Variants in PPIP5K2 observed in about 807,000 individuals in gnomAD.
PPIP5K2 encodes inositol hexakisphosphate and diphosphoinositol-pentakisphosphate kinase 2.
Under a neutral mutation model 154.6 loss-of-function variants are expected in PPIP5K2, and 105 were observed. The observed-to-expected ratio is 0.68, with a 90% CI of 0.58 to 0.80. The LOEUF (loss-of-function observed/expected upper bound fraction) is 0.80, where lower values mean the gene tolerates loss of function less well. Among genes scored for constraint, PPIP5K2 ranks in the 30% least tolerant of loss-of-function variants. The pLI, the probability that PPIP5K2 is intolerant of heterozygous loss-of-function variation, is 0.00. For missense variants in PPIP5K2, 992 were observed against 1,504.6 expected (o/e 0.66, Z 5.64); for synonymous variants, 480 against 490.3 (o/e 0.98, Z 0.28).
chr5:103,168,810 GT>G (rs1262144815), intron 19 of PPIP5K2, among the ~76,000 whole-genome samples: 5 of 151,148 alleles, frequency 3.3e-5, no homozygotes, highest in East Asian at 1.9e-4. Flanking sequence ...AGGTAGTAAA[GT>G]TTTTTTTTAA....
At chr5:103,138,912 G>A (rs115035014) in intron 5 of PPIP5K2, among the ~76,000 whole-genome samples, 209 of 152,288 alleles carry the variant, frequency 1.4e-3, no homozygotes, top group African/African-American at 4.8e-3. Flanking sequence ...CTTATTCATG[G>A]AATAAACATG....
chr5:103,137,163 ATTT>A (rs71620680), intron 4 of PPIP5K2, among the ~76,000 whole-genome samples: 4 of 139,868 alleles, frequency 2.9e-5, no homozygotes, highest in Admixed American at 7.3e-5. Context: ...TTATAACTAG[ATTT>A]TTTTTTTTTT....
At chr5:103,155,244 TA>T (rs1186089308) in intron 13 of PPIP5K2, among the ~76,000 whole-genome samples, 1 of 151,844 alleles carries the variant, frequency 6.6e-6, no homozygotes, top group Non-Finnish European at 1.5e-5. Context: ...AGTTTAAATA[TA>T]AAAAATTTGA....
intron 1 of PPIP5K2, among the ~76,000 whole-genome samples, chr5:103,127,094 T>TA (rs1286820140): frequency 1.3e-5 from 2 of 152,076 alleles, no homozygotes; most frequent in Non-Finnish European, 2.9e-5. Context: ...TCTAAAAGGC[T>TA]AAAAAAAATT....
chr5:103,136,959 T>G, intron 4 of PPIP5K2, 137 bp downstream of exon 4: 1 of 672,516 alleles, frequency 1.5e-6, no homozygotes, highest in Non-Finnish European at 2.6e-6. Flanking sequence ...AAATAGTTAT[T>G]TATTACCTAA....
chr5:103,136,701 T>C lies in PPIP5K2; in HGVS notation c.311-31T>C, dbSNP rs145009579. ...AGTATAGATGCTTATCTTGAGATAA[T>C]ACAGAATATGTTAATAATATGTGTT... On this transcript the variant is annotated intron_variant, in intron 3 of 30. Transcript: ENST00000358359. The C allele has an allele frequency of 6.8e-3, 10,389 of 1,535,670 alleles. 62 individuals are homozygous for C. Among genetic ancestry groups the C allele is most frequent in the Middle Eastern group, 0.023 (138 of 5,896 alleles).
intron 29 of PPIP5K2, 165 bp downstream of exon 29, chr5:103,191,147 C>A: frequency 2.0e-6 from 1 of 505,752 alleles, no homozygotes; most frequent in Non-Finnish European, 3.2e-6. Flanking sequence ...GTAATGTGAA[C>A]TGTACCTCTT....
intron 27 of PPIP5K2, among the ~76,000 whole-genome samples, chr5:103,186,740 C>G (rs76620218): frequency 0.042 from 6,365 of 152,168 alleles, 435 homozygotes; most frequent in African/African-American, 0.15. Context: ...GCAAGCGTTT[C>G]TTTGATCTTT....
rs34018994 is a variant in PPIP5K2, at chr5:103,194,888, AT to A, written c.3494-4del. ...AATTATTAAATTAACATGTTTGTTT[AT>A]TTTTTTTCAGCCTCTACAGCTTTAC... On this transcript the variant is annotated splice_polypyrimidine_tract_variant and intron_variant, in intron 29 of 30. Coordinates refer to ENST00000358359, the MANE Select transcript of PPIP5K2 (RefSeq NM_001276277.3). The A allele has an allele frequency of 2.1e-4, 332 of 1,597,132 alleles. No homozygotes were observed. In the African/African-American group the frequency reaches 3.7e-3, roughly 18 times the overall value.
intron 9 of PPIP5K2, among the ~76,000 whole-genome samples, chr5:103,151,869 C>A (rs1794695189): frequency 6.6e-6 from 1 of 151,902 alleles, no homozygotes; most frequent in Non-Finnish European, 1.5e-5. Context: ...GGTAGAAATG[C>A]CATTTTTATA....
intron 27 of PPIP5K2, among the ~76,000 whole-genome samples, chr5:103,186,669 G>T (rs1800438080): frequency 6.6e-6 from 1 of 152,104 alleles, no homozygotes; most frequent in Non-Finnish European, 1.5e-5. Flanking sequence ...TTGTTGAAAT[G>T]GAAAACTTAG....
Position 103,167,126 on chromosome 5 carries a change from C to G in PPIP5K2, c.1921-53C>G, listed in dbSNP as rs1239567661. On this transcript the variant is annotated intron_variant, in intron 17 of 30. Transcript: ENST00000358359. ...AAATTTTGTATATATATATTGTTCT[C>G]TTAGACAATTAGGCATAACCAGATA... 5.9e-6 allele frequency: 8 copies of G among 1,349,250 alleles called. No homozygotes were observed. The African/African-American group carries it at 7.5e-5, about 13-fold the overall frequency. 83.6% of individuals were successfully genotyped at this position (1,349,250 alleles called of 1,614,324 possible).
At chr5:103,178,072 ATTC>A (rs1798977189) in intron 23 of PPIP5K2, 92 bp downstream of exon 23, 1 of 828,280 alleles carries the variant, frequency 1.2e-6, no homozygotes, top group Non-Finnish European at 2.0e-6. Context: ...ACTATAAATA[ATTC>A]TTATTTTAAC....
chr5:103,128,478 C>T (rs1420824579), intron 1 of PPIP5K2, among the ~76,000 whole-genome samples: 1 of 152,108 alleles, frequency 6.6e-6, no homozygotes, highest in South Asian at 2.1e-4. Context: ...ACAGTCATAG[C>T]TCCCTGCAGC....
chr5:103,121,416 G>A (rs547635269), intron 1 of PPIP5K2, among the ~76,000 whole-genome samples: 1 of 152,126 alleles, frequency 6.6e-6, no homozygotes, highest in Non-Finnish European at 1.5e-5. Context: ...GAACAGTCAA[G>A]CAACTTGCTC....
At chr5:103,130,366 C>T (rs1220608902) in intron 2 of PPIP5K2, among the ~76,000 whole-genome samples, 1 of 152,080 alleles carries the variant, frequency 6.6e-6, no homozygotes, top group African/African-American at 2.4e-5. Context: ...GTAGAGATTG[C>T]TTTACTGTGA....
chr5:103,146,351 T>C (rs571829798), intron 5 of PPIP5K2, among the ~76,000 whole-genome samples, 176 bp from the exon 6 acceptor site: 7 of 152,200 alleles, frequency 4.6e-5, no homozygotes, highest in Middle Eastern at 3.4e-3. Context: ...ATGCCATACG[T>C]ATCATAAATG....
At chr5:103,141,826 C>A (rs1792733117) in intron 5 of PPIP5K2, among the ~76,000 whole-genome samples, 1 of 152,194 alleles carries the variant, frequency 6.6e-6, no homozygotes, top group African/African-American at 2.4e-5. Context: ...CAAGGCCCCA[C>A]CAGAGAGCTA....
chr5:103,147,817 T>C, intron 6 of PPIP5K2, 114 bp from the exon 7 acceptor site: 1 of 652,318 alleles, frequency 1.5e-6, no homozygotes, highest in Non-Finnish European at 2.6e-6. Context: ...TTAAAAAATG[T>C]ATTTGAAAAT....
Sources: gnomAD v4.1 joint callset for allele counts (sites outside exome capture counted in the v4.1 genomes callset) on GRCh38, gnomAD v4.1.1 for gene constraint, MANE v1.5 for transcripts, NCBI Gene and HGNC (gene_info 2026-07-23, HGNC 2026-07-21) for gene names.